Variants in MPC1 observed in about 807,000 individuals in gnomAD.
MPC1 encodes the protein mitochondrial pyruvate carrier 1.
Under a neutral mutation model 13.9 loss-of-function variants are expected in MPC1, and 6 were observed. The observed-to-expected ratio is 0.43, with a 90% CI of 0.24 to 0.85. MPC1 has a LOEUF of 0.85. Ranked by LOEUF, MPC1 falls within the 40% of genes least tolerant of loss-of-function variation. The pLI is 0.24. For missense variants in MPC1, 115 were observed against 143.3 expected, an observed-to-expected ratio of 0.80 and a Z score of 1.01; for synonymous variants, 47 against 50.5, an observed-to-expected ratio of 0.93 and a Z score of 0.29.
chr6:166,382,284 C>G (rs1364945964), intron 1 of MPC1, among the ~76,000 whole-genome samples: 1 of 144,768 alleles, frequency 6.9e-6, no homozygotes, highest in Non-Finnish European at 1.5e-5. Context: ...AGCGCCGTCG[C>G]TTTCGTCCCT....
chr6:166,369,696 T>A lies in MPC1; in HGVS notation c.75+522A>T, dbSNP rs1156282562. Among the ~76,000 whole-genome samples, 3 of 152,232 alleles carry A rather than the reference T, an allele frequency of 2.0e-5. No homozygotes were observed. The East Asian group carries it at 5.8e-4, about 29-fold the overall frequency. ...ATTTATGCTGTCAGATATTCAGCAG[T>A]CAATTTTGAGAAAAATAAGGAACTT... is the stretch of plus-strand genomic sequence containing the variant. On this transcript the variant is annotated intron_variant, in intron 2 of 4. Transcript: ENST00000360961.
Position 166,366,662 on chromosome 6 carries a change from C to T in MPC1, c.172+133G>A, listed in dbSNP as rs377150608. On this transcript the variant is annotated intron_variant, in intron 3 of 4. Coordinates refer to ENST00000360961, the MANE Select transcript of MPC1 (RefSeq NM_016098.4). ...TTCTTACTGACATAGAGAAGTAACA[C>T]TCTTCCATGCCATCACATTCTGTAT... The T allele has an allele frequency of 4.5e-4, 363 of 807,326 alleles. 3 individuals carry two copies. In the South Asian group the frequency reaches 5.1e-3, roughly 11 times the overall value. The allele number at this position is 807,326 out of a possible 1,614,324, so 50.0% of individuals were successfully genotyped here. A position where few individuals can be genotyped will look rare whatever the true frequency, so the allele number is the denominator to read the frequency against.
In MPC1 at chr6:166,370,229, G is replaced by A. The variant is rs1346195401; in HGVS notation, c.72-8C>T. On this transcript the variant is annotated splice_region_variant and splice_polypyrimidine_tract_variant and intron_variant, in intron 1 of 4. Transcript: ENST00000360961. Reference sequence around the variant, plus strand: ...AATAATTTTCTTACCGTACTATTTTGTGAAGAGTCACCGAAGTTCAGACAG... The same window carrying A: ...AATAATTTTCTTACCGTACTATTTTATGAAGAGTCACCGAAGTTCAGACAG... 9.0e-6 allele frequency: 7 copies of A among 776,622 alleles called. No homozygotes were observed. Among genetic ancestry groups the A allele is most frequent in the Non-Finnish European group, 1.7e-5 (7 of 415,796 alleles). 48.1% of individuals were successfully genotyped at this position (776,622 alleles called of 1,614,324 possible).
intron 2 of MPC1, 37 bp from the exon 3 acceptor site, chr6:166,366,928 AAAGTT>A (rs766616061): frequency 6.2e-7 from 1 of 1,613,464 alleles, no homozygotes; most frequent in African/African-American, 1.3e-5. Flanking sequence ...AAGAGAGGAA[AAAGTT>A]AAGACAGAAC....
chr6:166,366,978 T>C (rs748356133), intron 2 of MPC1, 87 bp from the exon 3 acceptor site: 87 of 1,601,222 alleles, frequency 5.4e-5, no homozygotes, highest in East Asian at 3.4e-4. Flanking sequence ...CTTTAAATAA[T>C]CACGTGAAAC....
chr6:166,366,041 GA>G lies in MPC1; in HGVS notation c.237del (p.Leu80CysfsTer10). 6.2e-7 allele frequency: 1 copy of G among 1,614,056 alleles called. No individual in the cohort carries two copies. Among genetic ancestry groups the G allele is most frequent in the South Asian group, 1.1e-5 (1 of 91,084 alleles). Reference sequence around the variant, plus strand: ...TCATTTGTTGCGTGGCATGCAAACAGAAGCCAGTTCCGAGGCTGTACCTTGT... The same window carrying G: ...TCATTTGTTGCGTGGCATGCAAACAGAGCCAGTTCCGAGGCTGTACCTTGT... ...FAYKVQPRNW[L>X]LFACHATNEV... On this transcript the variant is annotated frameshift_variant, in exon 4 of 5. Coordinates refer to ENST00000360961, the MANE Select transcript of MPC1 (RefSeq NM_016098.4). LOFTEE classifies it high-confidence loss of function.
intron 2 of MPC1, 196 bp from the exon 3 acceptor site, chr6:166,367,087 A>T (rs1779187293): frequency 2.0e-5 from 29 of 1,437,082 alleles, no homozygotes; most frequent in Non-Finnish European, 2.6e-5. Flanking sequence ...TGTAGGAATC[A>T]GCAGTTCTTA....
At chr6:166,372,843 A>G (rs971596361) in intron 1 of MPC1, among the ~76,000 whole-genome samples, 17 of 152,098 alleles carry the variant, frequency 1.1e-4, no homozygotes, top group African/African-American at 4.1e-4. Flanking sequence ...TTTTCTCTTT[A>G]TTTGGTATGC....
chr6:166,366,203 A>T (rs888071803), intron 3 of MPC1, 97 bp from the exon 4 acceptor site: 14 of 1,343,076 alleles, frequency 1.0e-5, no homozygotes, highest in Non-Finnish European at 1.3e-5. Context: ...CCTGATCAAA[A>T]AAGAACCTCT....
intron 2 of MPC1, among the ~76,000 whole-genome samples, chr6:166,367,983 A>C (rs1779224728): frequency 6.6e-6 from 1 of 152,272 alleles, no homozygotes; most frequent in African/African-American, 2.4e-5. Flanking sequence ...CATGAAAGCC[A>C]CAAGGTCATT....
rs549992713 is a variant in MPC1 at position 166,369,510 on chromosome 6, G to A, written c.75+708C>T. ...TATACATACACTTATGACTGTAAGT[G>A]TTGAGCTATACTGAAAATATGTTTC... On this transcript the variant is annotated intron_variant, in intron 2 of 4. Transcript: ENST00000360961. 26 of 159,784 alleles carry A rather than the reference G, an allele frequency of 1.6e-4. 1 individual carries two copies. The South Asian group carries it at 4.6e-3, about 28-fold the overall frequency. 9.9% of individuals were successfully genotyped at this position (159,784 alleles called of 1,614,324 possible).
At chr6:166,373,758 T>G (rs938867093) in intron 1 of MPC1, among the ~76,000 whole-genome samples, 2 of 152,234 alleles carry the variant, frequency 1.3e-5, no homozygotes, top group African/African-American at 4.8e-5. Flanking sequence ...CATTTGCCTT[T>G]GTCAGCGTTC....
At chr6:166,370,852 G>C (rs1562458413) in intron 1 of MPC1, among the ~76,000 whole-genome samples, 4 of 152,028 alleles carry the variant, frequency 2.6e-5, no homozygotes, top group Admixed American at 2.6e-4. Context: ...GAAAAGAAAA[G>C]TAGAAAAGTA....
intron 1 of MPC1, among the ~76,000 whole-genome samples, chr6:166,373,838 G>C (rs1195285166): frequency 1.3e-5 from 2 of 151,318 alleles, no homozygotes; most frequent in African/African-American, 4.9e-5. Context: ...GATGACATAC[G>C]ATGTAGAACA....
At chr6:166,373,546 G>A (rs1181269362) in intron 1 of MPC1, among the ~76,000 whole-genome samples, 2 of 152,158 alleles carry the variant, frequency 1.3e-5, no homozygotes, top group Non-Finnish European at 2.9e-5. Context: ...CATCTTGTTT[G>A]CTTCCAAATT....
At chr6:166,382,237 C>A (rs188974461) in intron 1 of MPC1, among the ~76,000 whole-genome samples, 5 of 152,210 alleles carry the variant, frequency 3.3e-5, no homozygotes, top group African/African-American at 1.2e-4. Context: ...GTCACCCCTG[C>A]CGGGAGAGGC....
Position 166,370,022 on chromosome 6 carries a change from C to T in MPC1, c.75+196G>A, listed in dbSNP as rs966942306. On this transcript the variant is annotated intron_variant, in intron 2 of 4. Transcript: ENST00000360961. ...TAAAAACAGGAGTAGGGAGCAGCCC[C>T]AGGAGCATGGCTGTCACAGAGCTCG... is the stretch of plus-strand genomic sequence containing the variant. 5 of 708,298 alleles carry T rather than the reference C, an allele frequency of 7.1e-6. No individual in the cohort carries two copies. The African/African-American group carries it at 8.7e-5, about 12-fold the overall frequency. The allele number at this position is 708,298 out of a possible 1,614,324, so 43.9% of individuals were successfully genotyped here.
chr6:166,369,555 T>G (rs79870972), intron 2 of MPC1: 3,854 of 162,524 alleles, frequency 0.024, 147 homozygotes, highest in African/African-American at 0.087. Context: ...ACACGAAAGG[T>G]AAAAATCATT....
intron 2 of MPC1, 123 bp from the exon 3 acceptor site, chr6:166,367,014 T>C (rs1201821735): frequency 2.6e-6 from 4 of 1,545,902 alleles, no homozygotes; most frequent in Non-Finnish European, 3.5e-6. Flanking sequence ...TTCGTTTCCA[T>C]CTTGCAGGTT....
Sources: gnomAD v4.1 joint callset for allele counts (sites outside exome capture counted in the v4.1 genomes callset) on GRCh38, gnomAD v4.1.1 for gene constraint, MANE v1.5 for transcripts, NCBI Gene and HGNC (gene_info 2026-07-23, HGNC 2026-07-21) for gene names.